Variants in PCDH15 observed in about 807,000 individuals in gnomAD.
PCDH15 encodes the protein protocadherin-15.
Under a neutral mutation model 178.5 loss-of-function variants are expected in PCDH15, and 129 were observed. That is an observed-to-expected ratio of 0.72 (90% confidence interval 0.63 to 0.84). The LOEUF (loss-of-function observed/expected upper bound fraction) is 0.84. Ranked by LOEUF, PCDH15 falls within the 40% of genes least tolerant of loss-of-function variation. PCDH15 has a pLI of 0.00. For missense variants in PCDH15, 2,230 were observed against 2,099.9 expected, an observed-to-expected ratio of 1.06 and a Z score of -1.21; for synonymous variants, 800 against 732.0, an observed-to-expected ratio of 1.09 and a Z score of -1.50.
At chr10:53,967,727 A>G (rs909054823) in intron 21 of PCDH15, among the ~76,000 whole-genome samples, 3 of 152,246 alleles carry the variant, frequency 2.0e-5, no homozygotes, top group African/African-American at 7.2e-5. Flanking sequence ...GAAAACATTT[A>G]AAATCAATAT....
intron 1 of PCDH15, among the ~76,000 whole-genome samples, chr10:55,172,855 C>A (rs760926979): frequency 6.6e-6 from 1 of 151,758 alleles, no homozygotes; most frequent in Non-Finnish European, 1.5e-5. Flanking sequence ...ATTGTCTCTG[C>A]TTGAGAAAGC....
chr10:55,356,335 A>T (rs1845080465), intron 2 of PCDH15, among the ~76,000 whole-genome samples: 2 of 151,936 alleles, frequency 1.3e-5, no homozygotes, highest in Middle Eastern at 3.4e-3. Context: ...AAGAGGAAAA[A>T]ATGAAAGAAA....
intron 3 of PCDH15, among the ~76,000 whole-genome samples, chr10:54,865,380 C>T (rs1406093515): frequency 2.6e-5 from 4 of 152,188 alleles, no homozygotes; most frequent in Non-Finnish European, 4.4e-5. Flanking sequence ...ACGCTCAAGA[C>T]TTTGACCACA....
chr10:55,382,862 C>T (rs1837570361), intron 2 of PCDH15, among the ~76,000 whole-genome samples: 1 of 152,156 alleles, frequency 6.6e-6, no homozygotes, highest in Admixed American at 6.5e-5. Flanking sequence ...AGCACTCAGG[C>T]AAGTGGATGC....
At chr10:54,736,417 G>A (rs557483863) in intron 1 of PCDH15, among the ~76,000 whole-genome samples, 2 of 151,976 alleles carry the variant, frequency 1.3e-5, no homozygotes, top group South Asian at 4.2e-4. Flanking sequence ...CCCAACAAAC[G>A]CAGCCCTCAG....
chr10:53,887,230 T>G (rs554487012), intron 26 of PCDH15, among the ~76,000 whole-genome samples: 171 of 152,302 alleles, frequency 1.1e-3, no homozygotes, highest in African/African-American at 4.0e-3. Context: ...TCCTAAAACA[T>G]GCATTCTTGC....
intron 3 of PCDH15, among the ~76,000 whole-genome samples, chr10:54,389,784 C>CA (rs35298368): frequency 0.03 from 2,069 of 69,984 alleles, 39 homozygotes; most frequent in South Asian, 0.093. Context: ...AATAAAAATA[C>CA]AAAAAAAAAA....
chr10:54,239,082 A>C (rs2054949096), intron 8 of PCDH15, among the ~76,000 whole-genome samples: 1 of 152,146 alleles, frequency 6.6e-6, no homozygotes, highest in Admixed American at 6.5e-5. Flanking sequence ...TTATCTAGAA[A>C]TTAAAATAAA....
chr10:53,821,182 AAAGTAT>A (rs1484796580), intron 32 of PCDH15: 30 of 973,178 alleles, frequency 3.1e-5, no homozygotes, highest in Non-Finnish European at 3.4e-5. Context: ...AGCAACTGAA[AAAGTAT>A]AAGATTTATC....
At chr10:54,487,218 A>G (rs2079172893) in intron 3 of PCDH15, among the ~76,000 whole-genome samples, 1 of 152,084 alleles carries the variant, frequency 6.6e-6, no homozygotes, top group Admixed American at 6.6e-5. Flanking sequence ...ACAGGCCATA[A>G]TCTTAAGTGA....
chr10:55,122,730 A>G (rs2132067991), intron 2 of PCDH15, among the ~76,000 whole-genome samples: 1 of 152,264 alleles, frequency 6.6e-6, no homozygotes, highest in African/African-American at 2.4e-5. Context: ...TGGTAACAAT[A>G]AAAATATTGG....
intron 2 of PCDH15, among the ~76,000 whole-genome samples, chr10:55,530,550 A>G (rs1537595): frequency 0.4 from 60,042 of 151,664 alleles, 12,561 homozygotes; most frequent in East Asian, 0.8. Flanking sequence ...ACATCTTTGG[A>G]TGAATATTCT....
At chr10:54,040,886 T>G (rs1239406037) in intron 18 of PCDH15, among the ~76,000 whole-genome samples, 2 of 152,114 alleles carry the variant, frequency 1.3e-5, no homozygotes, top group Non-Finnish European at 2.9e-5. Context: ...ATACGAAGAT[T>G]TGGATGCAAT....
chr10:53,904,955 G>C (rs1004103868), intron 25 of PCDH15, among the ~76,000 whole-genome samples: 1 of 152,056 alleles, frequency 6.6e-6, no homozygotes, highest in African/African-American at 2.4e-5. Context: ...TACTGATGAC[G>C]TATATTTTCT....
chr10:53,986,840 C>A (rs1368136732), intron 21 of PCDH15, among the ~76,000 whole-genome samples: 1 of 152,092 alleles, frequency 6.6e-6, no homozygotes, highest in Non-Finnish European at 1.5e-5. Flanking sequence ...AGTAGCTGTT[C>A]AAGGGTTATA....
rs1408035429 is a variant in PCDH15 at position 54,099,350 on chromosome 10, A to C, written c.1918-9287T>G. Among the ~76,000 whole-genome samples the C allele has an allele frequency of 3.3e-5, 5 of 151,820 alleles. No individual in the cohort carries two copies. In the East Asian group the frequency reaches 5.8e-4, roughly 18 times the overall value. ...CCCATCTCTACTAAAAATACAAAAAATTAGCTAGGCATGGTGGTGGGCGCC... is the reference window on the plus strand; with the variant it reads ...CCCATCTCTACTAAAAATACAAAAACTTAGCTAGGCATGGTGGTGGGCGCC... On this transcript the variant is annotated intron_variant, in intron 15 of 37. Transcript: ENST00000644397.
chr10:54,600,778 T>C, intron 2 of PCDH15: 1 of 446,446 alleles, frequency 2.2e-6, no homozygotes, highest in Non-Finnish European at 4.2e-6. Context: ...CCATAGGGGC[T>C]CCAGACATTG....
At chr10:54,455,466 T>C (rs144327128) in intron 3 of PCDH15, among the ~76,000 whole-genome samples, 327 of 152,228 alleles carry the variant, frequency 2.1e-3, no homozygotes, top group Non-Finnish European at 3.9e-3. Context: ...TTGATGGAGA[T>C]AAGGAATTTG....
intron 2 of PCDH15, among the ~76,000 whole-genome samples, chr10:54,977,439 G>C (rs1839101342): frequency 6.6e-6 from 1 of 151,634 alleles, no homozygotes; most frequent in Non-Finnish European, 1.5e-5. Context: ...TACACTAAAA[G>C]ACACTCCTAT....
Sources: gnomAD v4.1 joint callset for allele counts (sites outside exome capture counted in the v4.1 genomes callset) on GRCh38, gnomAD v4.1.1 for gene constraint, MANE v1.5 for transcripts, NCBI Gene and HGNC (gene_info 2026-07-23, HGNC 2026-07-21) for gene names.